VWA3B: variants seen among roughly 807,000 people sequenced by gnomAD.
VWA3B encodes the protein von Willebrand factor A domain containing 3B.
Under a neutral mutation model 158.3 loss-of-function variants are expected in VWA3B, and 138 were observed. That is an observed-to-expected ratio of 0.87 (90% CI 0.76 to 1.00). The LOEUF is 1.00. Ranked by LOEUF, VWA3B falls within the 50% of genes least tolerant of loss-of-function variation. The pLI is 0.00. For missense variants in VWA3B, 1,555 were observed against 1,565.1 expected (o/e 0.99, Z 0.11); for synonymous variants, 596 against 587.3 (o/e 1.01, Z -0.21).
At chr2:98,290,709 A>G in intron 23 of VWA3B, 87 bp downstream of exon 23, 1 of 924,956 alleles carries the variant, frequency 1.1e-6, no homozygotes, top group Non-Finnish European at 1.7e-6. Flanking sequence ...CTTTTGCTAG[A>G]ACACTGACAT....
intron 8 of VWA3B, among the ~76,000 whole-genome samples, chr2:98,165,008 C>T (rs745668249): frequency 2.6e-5 from 4 of 152,198 alleles, no homozygotes; most frequent in Admixed American, 6.5e-5. Flanking sequence ...TGAGGAACCA[C>T]TGTACAGACA....
chr2:98,265,224 C>T (rs373173562), intron 21 of VWA3B, among the ~76,000 whole-genome samples: 22 of 140,754 alleles, frequency 1.6e-4, no homozygotes, highest in East Asian at 4.4e-4. Flanking sequence ...CCCCAGAGTG[C>T]GATGTTCCCC....
At chr2:98,260,051 A>C (rs1306752502) in intron 21 of VWA3B, among the ~76,000 whole-genome samples, 1 of 151,328 alleles carries the variant, frequency 6.6e-6, no homozygotes, top group Non-Finnish European at 1.5e-5. Flanking sequence ...TTTTCCCTTC[A>C]TTGTTGCTCT....
At chr2:98,211,092 G>A (rs138148316) in intron 12 of VWA3B, among the ~76,000 whole-genome samples, 124 of 152,356 alleles carry the variant, frequency 8.1e-4, no homozygotes, top group South Asian at 2.1e-3. Context: ...TGGGGGTCTC[G>A]TTCCTGATGA....
chr2:98,124,322 G>C (rs1181886694), intron 5 of VWA3B, among the ~76,000 whole-genome samples: 3 of 152,214 alleles, frequency 2.0e-5, no homozygotes, highest in Non-Finnish European at 4.4e-5. Context: ...TTTGGGTTTT[G>C]TGACTTGAAG....
chr2:98,147,192 T>C (rs961479373), intron 7 of VWA3B, among the ~76,000 whole-genome samples: 33 of 152,346 alleles, frequency 2.2e-4, no homozygotes, highest in African/African-American at 7.2e-4. Flanking sequence ...CTGATGTAAT[T>C]AATTAGAAAC....
chr2:98,293,072 G>T (rs1258695184), intron 23 of VWA3B, among the ~76,000 whole-genome samples: 1 of 152,112 alleles, frequency 6.6e-6, no homozygotes. Context: ...AATGTAGAAT[G>T]GCTCGAACTT....
At position 98,234,786 on chromosome 2, in the gene VWA3B, C is replaced by G; in HGVS notation, c.2428+19C>G. 1 of 1,614,086 alleles carries G rather than the reference C, an allele frequency of 6.2e-7. No individual in the cohort carries two copies. The highest frequency in any genetic ancestry group is 8.5e-7 in the Non-Finnish European group (1 of 1,179,984). ...GACAAAGGCAAGCCAGAAAGCATCT[C>G]TGTGGCCAACCAGCCTCCCTTTCCA... On this transcript the variant is annotated intron_variant, in intron 17 of 27. Transcript: ENST00000477737.
intron 22 of VWA3B, among the ~76,000 whole-genome samples, chr2:98,276,748 G>A (rs1688548667): frequency 6.7e-6 from 1 of 149,514 alleles, no homozygotes; most frequent in African/African-American, 2.5e-5. Context: ...TGTGGCCATT[G>A]CATTTGGAAT....
At chr2:98,144,698 C>T (rs1182789793) in intron 7 of VWA3B, among the ~76,000 whole-genome samples, 1 of 152,020 alleles carries the variant, frequency 6.6e-6, no homozygotes, top group Non-Finnish European at 1.5e-5. Context: ...TCCCAAATAG[C>T]TGGGCTTACA....
intron 19 of VWA3B, among the ~76,000 whole-genome samples, chr2:98,248,396 C>T (rs1686535800): frequency 6.6e-6 from 1 of 152,106 alleles, no homozygotes; most frequent in Non-Finnish European, 1.5e-5. Flanking sequence ...TTCTCTTTCT[C>T]CTTCTATTTG....
chr2:98,165,484 C>T (rs1302464389), intron 8 of VWA3B, among the ~76,000 whole-genome samples: 3 of 152,078 alleles, frequency 2.0e-5, no homozygotes, highest in Non-Finnish European at 4.4e-5. Context: ...TAGTGTGCAG[C>T]TAATTTTGGA....
At chr2:98,204,597 G>A (rs1310974693) in intron 12 of VWA3B, among the ~76,000 whole-genome samples, 2 of 152,124 alleles carry the variant, frequency 1.3e-5, no homozygotes, top group Non-Finnish European at 2.9e-5. Flanking sequence ...TTTATACTTT[G>A]TTGGATTAAA....
intron 8 of VWA3B, among the ~76,000 whole-genome samples, chr2:98,178,752 T>G (rs1402302043): frequency 6.6e-6 from 1 of 152,118 alleles, no homozygotes; most frequent in African/African-American, 2.4e-5. Context: ...CCAGTTAAAA[T>G]AGAATCTAGT....
intron 19 of VWA3B, among the ~76,000 whole-genome samples, chr2:98,242,872 A>G (rs1686167985): frequency 1.3e-5 from 2 of 151,624 alleles, no homozygotes; most frequent in Admixed American, 1.3e-4. Flanking sequence ...AAGTCATGAC[A>G]TTTTGTTGCT....
chr2:98,194,225 T>C, intron 11 of VWA3B, 136 bp from the exon 12 acceptor site: 1 of 743,018 alleles, frequency 1.3e-6, no homozygotes, highest in Admixed American at 2.8e-5. Flanking sequence ...TAGGATATTC[T>C]CTATTGAATA....
At chr2:98,130,880 C>A (rs1559558189) in intron 6 of VWA3B, among the ~76,000 whole-genome samples, 1 of 152,168 alleles carries the variant, frequency 6.6e-6, no homozygotes, top group Non-Finnish European at 1.5e-5. Context: ...ATGATCAAGT[C>A]GGGATTTAGG....
At chr2:98,184,113 A>G (rs555196319) in intron 9 of VWA3B, among the ~76,000 whole-genome samples, 2 of 152,328 alleles carry the variant, frequency 1.3e-5, no homozygotes, top group Admixed American at 1.3e-4. Flanking sequence ...ACTTGGGTCC[A>G]CTGGGCTTTC....
At chr2:98,119,070 C>G (rs933146692) in intron 3 of VWA3B, among the ~76,000 whole-genome samples, 2 of 152,130 alleles carry the variant, frequency 1.3e-5, no homozygotes, top group African/African-American at 4.8e-5. Context: ...GGATGGCATC[C>G]TTTAGAGGAA....
Sources: allele counts gnomAD v4.1 joint callset (sites outside exome capture counted in the v4.1 genomes callset), GRCh38; gene constraint gnomAD v4.1.1; transcripts MANE v1.5; gene names NCBI Gene and HGNC (gene_info 2026-07-23, HGNC 2026-07-21).